Variants in ANKRD9 observed in about 807,000 individuals in gnomAD.
ANKRD9 encodes ankyrin repeat domain 9, also known as ankyrin repeat domain-containing protein 9.
Under a neutral mutation model 19.2 loss-of-function variants are expected in ANKRD9, and 13 were observed. The observed-to-expected ratio is 0.68, with a 90% CI of 0.44 to 1.08. The LOEUF (loss-of-function observed/expected upper bound fraction) is 1.08, where lower values mean the gene tolerates loss of function less well. Among genes scored for constraint, ANKRD9 ranks in the 50% least tolerant of loss-of-function variants. The probability of loss-of-function intolerance (pLI) is 0.00; values close to 1 mark genes in which losing one functional copy is unlikely to be tolerated. For missense variants in ANKRD9, 518 were observed against 499.9 expected, an observed-to-expected ratio of 1.04 and a Z score of -0.34; for synonymous variants, 278 against 256.8, an observed-to-expected ratio of 1.08 and a Z score of -0.79.
At position 102,507,467 on chromosome 14, in the gene ANKRD9, G is replaced by A; in HGVS notation, c.423C>T (p.Ala141=). ...RILRTLRDFP[A]EERARVLDRR... ...GGTCCAGCACGCGCGCCCGCTCCTC[G>A]GCCGGGAAGTCGCGCAAGGTGCGCA... is the stretch of plus-strand genomic sequence containing the variant. The change falls in exon 4 of 4, where the codon GCC becomes GCT. Residue 141 remains alanine (A), a synonymous_variant. Transcript: ENST00000286918. The surrounding 1 kb of genome is among the most constrained non-coding windows in gnomAD (Gnocchi z 9.2). 9 of 1,398,650 alleles carry A rather than the reference G, an allele frequency of 6.4e-6. No individual in the cohort carries two copies. Among genetic ancestry groups the A allele is most frequent in the Non-Finnish European group, 8.4e-6 (9 of 1,072,986 alleles). The allele number at this position is 1,398,650 out of a possible 1,614,324, so 86.6% of individuals were successfully genotyped here.
In ANKRD9 at chr14:102,507,526, G is replaced by A. The variant is rs1891648101; in HGVS notation, c.364C>T (p.Arg122Cys). Residue 122 changes from arginine (R) to cysteine (C), a missense_variant, in exon 4 of 4, where the codon CGC (arginine) becomes TGC (cysteine). Physicochemically the swap from Arg to Cys is radical, Grantham distance 180 (BLOSUM62 -3). Transcript: ENST00000286918. This position sits in a 1 kb window ranked among gnomAD's most constrained non-coding sequence, Gnocchi z 9.2. ...APGPHVALAV[R>C]YNRVGILRRI... is the part of the protein sequence containing the mutation. ...CGCAGAATGCCCACGCGGTTGTAGCGCACTGCCAGCGCCACGTGCGGCCCG... is the reference window on the plus strand; with the variant it reads ...CGCAGAATGCCCACGCGGTTGTAGCACACTGCCAGCGCCACGTGCGGCCCG... 7.4e-7 allele frequency: 1 copy of A among 1,348,392 alleles called. No homozygotes were observed. Among genetic ancestry groups the A allele is most frequent in the Non-Finnish European group, 9.5e-7 (1 of 1,049,490 alleles). The allele number at this position is 1,348,392 out of a possible 1,614,324, so 83.5% of individuals were successfully genotyped here.
In ANKRD9 at chr14:102,507,569, G is replaced by T. The variant is rs1477205474; in HGVS notation, c.321C>A (p.Phe107Leu). ...RRALAPPSAG[F>L]RCCAAPGPHV... ...GCGGCCCGGGAGCCGCGCAGCAGCG[G>T]AAGCCGGCACTGGGCGGTGCGAGCG... Residue 107 changes from phenylalanine to leucine, a missense_variant, in exon 4 of 4, where the codon TTC (phenylalanine) becomes TTA (leucine). By Grantham distance (22) the Phe-to-Leu change is conservative (BLOSUM62 0). Coordinates refer to ENST00000286918, the MANE Select transcript of ANKRD9 (RefSeq NM_152326.4). This position sits in a 1 kb window ranked among gnomAD's most constrained non-coding sequence, Gnocchi z 9.2. The T allele has an allele frequency of 8.8e-6, 12 of 1,365,912 alleles. 1 individual carries two copies. The South Asian group carries it at 1.9e-4, about 21-fold the overall frequency. 84.6% of individuals were successfully genotyped at this position (1,365,912 alleles called of 1,614,324 possible). A position where few individuals can be genotyped will look rare whatever the true frequency, so the allele number is the denominator to read the frequency against.
chr14:102,507,316 C>G lies in ANKRD9; in HGVS notation c.574G>C (p.Gly192Arg). The G allele has an allele frequency of 1.6e-6, 2 of 1,275,268 alleles. No homozygotes were observed. The highest frequency in any genetic ancestry group is 2.0e-6 in the Non-Finnish European group (2 of 1,006,678). 79.0% of individuals were successfully genotyped at this position (1,275,268 alleles called of 1,614,324 possible). The change falls in exon 4 of 4, where the codon GGC becomes CGC. Residue 192 changes from glycine to arginine, a missense_variant. By Grantham distance (125) the Gly-to-Arg change is moderately radical. Coordinates refer to ENST00000286918, the MANE Select transcript of ANKRD9 (RefSeq NM_152326.4). The surrounding 1 kb of genome is among the most constrained non-coding windows in gnomAD (Gnocchi z 9.2). The part of the protein sequence containing the change: ...GASPGLRDGG[G>R]LTPLELLLRQ... ...AGCAGCAGCTCGAGAGGCGTGAGGCCGCCGCCGTCCCGCAGACCGGGCGAG... is the reference window on the plus strand; with the variant it reads ...AGCAGCAGCTCGAGAGGCGTGAGGCGGCCGCCGTCCCGCAGACCGGGCGAG...
In ANKRD9 at chr14:102,502,327, A is replaced by C. The variant is rs1246366312; in HGVS notation, c.*4609T>G. The C allele has an allele frequency of 1.3e-5, 2 of 152,660 alleles. No homozygotes were observed. The highest frequency in any genetic ancestry group is 3.8e-4 in the East Asian group (2 of 5,204). 9.5% of individuals were successfully genotyped at this position (152,660 alleles called of 1,614,324 possible). On this transcript the variant is annotated 3_prime_UTR_variant, in exon 4 of 4. Transcript: ENST00000286918. ...ATTTTTCATAACTCCGGGGAGGAGC[A>C]AGAGGGGTGAAAAGAAACAAGTTCT...
At position 102,505,282 on chromosome 14, in the gene ANKRD9, C is replaced by CCCT. The variant is rs988941686; in HGVS notation, c.*1653_*1654insAGG. 6.6e-6 allele frequency: 1 copy of CCCT among 151,902 alleles called. No homozygotes were observed. Among genetic ancestry groups the CCCT allele is most frequent in the Non-Finnish European group, 1.5e-5 (1 of 67,968 alleles). 9.4% of individuals were successfully genotyped at this position (151,902 alleles called of 1,614,324 possible). ...TCCAAAGGAGAGGCACCTCCCCCCCCCATGGCATCTCCAATCTGAGGACCT... is the reference window on the plus strand; with the variant it reads ...TCCAAAGGAGAGGCACCTCCCCCCCCCCTCATGGCATCTCCAATCTGAGGACCT... On this transcript the variant is annotated 3_prime_UTR_variant, in exon 4 of 4. Transcript: ENST00000286918.
rs2139816332 is a variant in ANKRD9 at position 102,508,774 on chromosome 14, T to TC, written c.-263_-262insG. The TC allele has an allele frequency of 6.6e-6, 1 of 152,044 alleles. No homozygotes were observed. Among genetic ancestry groups the TC allele is most frequent in the Non-Finnish European group, 1.5e-5 (1 of 68,070 alleles). The allele number at this position is 152,044 out of a possible 1,614,324, so 9.4% of individuals were successfully genotyped here. A position where few individuals can be genotyped will look rare whatever the true frequency, so the allele number is the denominator to read the frequency against. Reference sequence around the variant, plus strand: ...CCCGACTACTAGATGAAGCGGGTACTGCCATCCCACTTTCCAGCAGGGCAC... The same window carrying TC: ...CCCGACTACTAGATGAAGCGGGTACTCGCCATCCCACTTTCCAGCAGGGCAC... On this transcript the variant is annotated 5_prime_UTR_variant, in exon 2 of 4. It removes the in-frame stop codon of an upstream open reading frame in the 5' UTR. Transcript: ENST00000286918. The surrounding 1 kb of genome is among the most constrained non-coding windows in gnomAD (Gnocchi z 6.2).
At position 102,502,157 on chromosome 14, in the gene ANKRD9, C is replaced by T. The variant is rs933437506; in HGVS notation, c.*4779G>A. On this transcript the variant is annotated 3_prime_UTR_variant, in exon 4 of 4. Coordinates refer to ENST00000286918, the MANE Select transcript of ANKRD9 (RefSeq NM_152326.4). ...CAGGAAGCGGAGGCGCAGGACCTCA[C>T]CGCGCCAGCGTGAAGTTCCCGGGCA... 5.9e-5 allele frequency: 9 copies of T among 151,764 alleles called. No individual in the cohort carries two copies. The highest frequency in any genetic ancestry group is 2.2e-4 in the African/African-American group (9 of 41,504). The allele number at this position is 151,764 out of a possible 1,614,324, so 9.4% of individuals were successfully genotyped here.
In ANKRD9 at chr14:102,502,689, A is replaced by C. The variant is rs924055415; in HGVS notation, c.*4247T>G. The C allele has an allele frequency of 6.6e-6, 1 of 152,218 alleles. No individual in the cohort carries two copies. The highest frequency in any genetic ancestry group is 2.4e-5 in the African/African-American group (1 of 41,450). 9.4% of individuals were successfully genotyped at this position (152,218 alleles called of 1,614,324 possible). ...AGAAAAAAATGTAATATATATCTGC[A>C]CAGAAAAAAGCTGAAAGAAACATAT... On this transcript the variant is annotated 3_prime_UTR_variant, in exon 4 of 4. Transcript: ENST00000286918.
At position 102,505,283 on chromosome 14, in the gene ANKRD9, C is replaced by G. The variant is rs1026621479; in HGVS notation, c.*1653G>C. On this transcript the variant is annotated 3_prime_UTR_variant, in exon 4 of 4. Coordinates refer to ENST00000286918, the MANE Select transcript of ANKRD9 (RefSeq NM_152326.4). ...CCAAAGGAGAGGCACCTCCCCCCCC[C>G]ATGGCATCTCCAATCTGAGGACCTG... is the stretch of plus-strand genomic sequence containing the variant. The G allele has an allele frequency of 4.6e-5, 7 of 152,114 alleles. No individual in the cohort carries two copies. Among genetic ancestry groups the G allele is most frequent in the Non-Finnish European group, 1.0e-4 (7 of 68,018 alleles). The allele number at this position is 152,114 out of a possible 1,614,324, so 9.4% of individuals were successfully genotyped here.
Position 102,504,135 on chromosome 14 carries a change from TCCTC to T in ANKRD9, c.*2797_*2800del, listed in dbSNP as rs1439403560. On this transcript the variant is annotated 3_prime_UTR_variant, in exon 4 of 4. Transcript: ENST00000286918. Reference sequence around the variant, plus strand: ...GCCCAGGAGGGCTCAGCCTTCACTATCCTCCCTAACAGGCATTTGGGGTGCAGAG... The same window carrying T: ...GCCCAGGAGGGCTCAGCCTTCACTATCCTAACAGGCATTTGGGGTGCAGAG... 5.9e-5 allele frequency: 9 copies of T among 152,022 alleles called. No individual in the cohort carries two copies. Among genetic ancestry groups the T allele is most frequent in the Non-Finnish European group, 1.0e-4 (7 of 68,026 alleles). The allele number at this position is 152,022 out of a possible 1,614,324, so 9.4% of individuals were successfully genotyped here.
chr14:102,507,416 GC>G lies in ANKRD9; in HGVS notation c.473del (p.Gly158AlafsTer166). 7.3e-7 allele frequency: 1 copy of G among 1,367,676 alleles called. No homozygotes were observed. The highest frequency in any genetic ancestry group is 9.5e-7 in the Non-Finnish European group (1 of 1,057,054). 84.7% of individuals were successfully genotyped at this position (1,367,676 alleles called of 1,614,324 possible). On this transcript the variant is annotated frameshift_variant, in exon 4 of 4. Transcript: ENST00000286918. LOFTEE classifies it high-confidence loss of function. The surrounding 1 kb of genome is among the most constrained non-coding windows in gnomAD (Gnocchi z 9.2). ...LDRRGCSRVEGGGTSLHVACE... is the reference protein window; with the variant it reads ...LDRRGCSRVEXGGTSLHVACE... Reference sequence around the variant, plus strand: ...AGGCCACGTGCAGCGACGTGCCACCGCCCTCCACGCGGCTGCAGCCACGCCG... The same window carrying G: ...AGGCCACGTGCAGCGACGTGCCACCGCCTCCACGCGGCTGCAGCCACGCCG...
chr14:102,501,809 T>TC lies in ANKRD9; in HGVS notation c.*5126dup, dbSNP rs1332616988. ...ATTAAAAACCAATAGGAGGAGCACT[T>TC]CGAGTCGAGTGTAAGGGCCCTTCAC... On this transcript the variant is annotated 3_prime_UTR_variant, in exon 4 of 4. Transcript: ENST00000286918. 6.6e-6 allele frequency: 1 copy of TC among 152,148 alleles called. No homozygotes were observed. The highest frequency in any genetic ancestry group is 1.5e-5 in the Non-Finnish European group (1 of 68,030). The allele number at this position is 152,148 out of a possible 1,614,324, so 9.4% of individuals were successfully genotyped here. A position where few individuals can be genotyped will look rare whatever the true frequency, so the allele number is the denominator to read the frequency against.
In ANKRD9 at chr14:102,504,642, C is replaced by T. The variant is rs1032600317; in HGVS notation, c.*2294G>A. On this transcript the variant is annotated 3_prime_UTR_variant, in exon 4 of 4. Transcript: ENST00000286918. ...GGAGGGGGTTGCAGGGGGTCCTGAA[C>T]CACAGATCCCTGGAGACTCAGTGGG... The T allele has an allele frequency of 6.6e-6, 1 of 152,460 alleles. No homozygotes were observed. The highest frequency in any genetic ancestry group is 6.5e-5 in the Admixed American group (1 of 15,282). 9.4% of individuals were successfully genotyped at this position (152,460 alleles called of 1,614,324 possible). A position where few individuals can be genotyped will look rare whatever the true frequency, so the allele number is the denominator to read the frequency against.
chr14:102,507,137 C>A lies in ANKRD9; in HGVS notation c.753G>T (p.Leu251=), dbSNP rs1478841397. The change falls in exon 4 of 4, where the codon CTG becomes CTT. Residue 251 remains leucine (L), a synonymous_variant. Transcript: ENST00000286918. The surrounding 1 kb of genome is among the most constrained non-coding windows in gnomAD (Gnocchi z 9.2). ...GCTGCCAGCGCGGCCGGTCGCCCAG[C>A]AGCTCCTGGCGGGCCGAGCCGGCGG... is the stretch of plus-strand genomic sequence containing the variant. ...VGAAGSARQE[L]LGDRPRWQRL... 2.1e-6 allele frequency: 3 copies of A among 1,457,386 alleles called. No homozygotes were observed. Among genetic ancestry groups the A allele is most frequent in the East Asian group, 5.6e-5 (2 of 35,426 alleles). 90.3% of individuals were successfully genotyped at this position (1,457,386 alleles called of 1,614,324 possible). A position where few individuals can be genotyped will look rare whatever the true frequency, so the allele number is the denominator to read the frequency against.
rs371892398 is a variant in ANKRD9 at position 102,505,281 on chromosome 14, C to CG, written c.*1654_*1655insC. 114 of 152,256 alleles carry CG rather than the reference C, an allele frequency of 7.5e-4. 2 individuals carry two copies. The highest frequency in any genetic ancestry group is 2.6e-3 in the African/African-American group (110 of 41,548). 9.4% of individuals were successfully genotyped at this position (152,256 alleles called of 1,614,324 possible). On this transcript the variant is annotated 3_prime_UTR_variant, in exon 4 of 4. Coordinates refer to ENST00000286918, the MANE Select transcript of ANKRD9 (RefSeq NM_152326.4). Reference sequence around the variant, plus strand: ...CTCCAAAGGAGAGGCACCTCCCCCCCCCATGGCATCTCCAATCTGAGGACC... The same window carrying CG: ...CTCCAAAGGAGAGGCACCTCCCCCCCGCCATGGCATCTCCAATCTGAGGACC...
chr14:102,507,226 C>A lies in ANKRD9; in HGVS notation c.664G>T (p.Gly222Trp), dbSNP rs1000649653. Residue 222 changes from glycine to tryptophan, a missense_variant, in exon 4 of 4, where the codon GGG becomes TGG. Transcript: ENST00000286918. This position sits in a 1 kb window ranked among gnomAD's most constrained non-coding sequence, Gnocchi z 9.2. Reference protein sequence around the residue: ...SAAGAPASAPGEPRQRRLLLL... With the variant: ...SAAGAPASAPWEPRQRRLLLL... ...AGCAGGCGGCGCTGGCGCGGCTCCC[C>A]GGGAGCTGAGGCGGGGGCTCCGGCG... is the stretch of plus-strand genomic sequence containing the variant. 4 of 1,263,494 alleles carry A rather than the reference C, an allele frequency of 3.2e-6. No individual in the cohort carries two copies. The highest frequency in any genetic ancestry group is 2.4e-5 in the South Asian group (1 of 41,110). The allele number at this position is 1,263,494 out of a possible 1,614,324, so 78.3% of individuals were successfully genotyped here. A position where few individuals can be genotyped will look rare whatever the true frequency, so the allele number is the denominator to read the frequency against.
chr14:102,505,731 CTT>C lies in ANKRD9; in HGVS notation c.*1203_*1204del, dbSNP rs1431582614. 4 of 152,414 alleles carry C rather than the reference CTT, an allele frequency of 2.6e-5. No homozygotes were observed. Among genetic ancestry groups the C allele is most frequent in the East Asian group, 1.9e-4 (1 of 5,182 alleles). 9.4% of individuals were successfully genotyped at this position (152,414 alleles called of 1,614,324 possible). A position where few individuals can be genotyped will look rare whatever the true frequency, so the allele number is the denominator to read the frequency against. ...CTGTCCAGGCCTCTCCCCCACCTCT[CTT>C]GTGTGGCCCAGCACCCTGGACTCCT... On this transcript the variant is annotated 3_prime_UTR_variant, in exon 4 of 4. Coordinates refer to ENST00000286918, the MANE Select transcript of ANKRD9 (RefSeq NM_152326.4).
Position 102,506,822 on chromosome 14 carries a change from T to G in ANKRD9, c.*114A>C. ...CCATCCAAGCCCAGCCCCCAGTGCA[T>G]GCGACAGATGAGGCAGAGATTGTGC... On this transcript the variant is annotated 3_prime_UTR_variant, in exon 4 of 4. Coordinates refer to ENST00000286918, the MANE Select transcript of ANKRD9 (RefSeq NM_152326.4). 2 of 1,255,930 alleles carry G rather than the reference T, an allele frequency of 1.6e-6. No individual in the cohort carries two copies. Among genetic ancestry groups the G allele is most frequent in the Non-Finnish European group, 2.0e-6 (2 of 995,128 alleles). 77.8% of individuals were successfully genotyped at this position (1,255,930 alleles called of 1,614,324 possible).
At position 102,503,905 on chromosome 14, in the gene ANKRD9, T is replaced by C; in HGVS notation, c.*3031A>G. ...TCTCAATACGGAATTTTAAAGTTGG[T>C]GAGGAAGTCGACAGAAGGGGAAGTC... On this transcript the variant is annotated 3_prime_UTR_variant, in exon 4 of 4. Coordinates refer to ENST00000286918, the MANE Select transcript of ANKRD9 (RefSeq NM_152326.4). 6.6e-6 allele frequency: 1 copy of C among 152,286 alleles called. No individual in the cohort carries two copies. 9.4% of individuals were successfully genotyped at this position (152,286 alleles called of 1,614,324 possible).
Sources: allele counts gnomAD v4.1 joint callset, GRCh38; gene constraint gnomAD v4.1.1; non-coding constraint Gnocchi (gnomAD v3.1); transcripts MANE v1.5; gene names NCBI Gene and HGNC (gene_info 2026-07-23, HGNC 2026-07-21).